The following PLXNA2 variants were observed in gnomAD, a reference collection of about 807,000 sequenced individuals.
PLXNA2 encodes plexin-A2.
In PLXNA2, 91 loss-of-function variants were observed where a neutral mutation model predicts 193.5. The observed-to-expected ratio is 0.47, with a 90% confidence interval of 0.40 to 0.56. The LOEUF (loss-of-function observed/expected upper bound fraction) is 0.56, where lower values mean the gene tolerates loss of function less well. Among genes scored for constraint, PLXNA2 ranks in the 20% least tolerant of loss-of-function variants. The probability of loss-of-function intolerance (pLI) is 0.00; values close to 1 mark genes in which losing one functional copy is unlikely to be tolerated. For synonymous variants in PLXNA2, 997 were observed against 1,027.3 expected (o/e 0.97, Z 0.56); for missense variants, 1,995 against 2,503.2 (o/e 0.80, Z 4.33).
At chr1:208,090,180 C>T (rs750810554) in intron 9 of PLXNA2, among the ~76,000 whole-genome samples, 15 of 152,096 alleles carry the variant, frequency 9.9e-5, no homozygotes, top group Non-Finnish European at 1.5e-4. Context: ...CACAGTCCTC[C>T]GGACAGCCAA....
chr1:208,023,054 G>A lies in PLXNA2; in HGVS notation c.*4189C>T, dbSNP rs1374134634. On this transcript the variant is annotated 3_prime_UTR_variant, in exon 32 of 32. Transcript: ENST00000367033. Reference sequence around the variant, plus strand: ...AACTAGGGAAGAGAGACTGAGTTATGGAAAGGATGCTACCATTTTTCTCAA... The same window carrying A: ...AACTAGGGAAGAGAGACTGAGTTATAGAAAGGATGCTACCATTTTTCTCAA... 2.0e-5 allele frequency: 3 copies of A among 152,176 alleles called. No homozygotes were observed. The highest frequency in any genetic ancestry group is 7.2e-5 in the African/African-American group (3 of 41,440). 9.4% of individuals were successfully genotyped at this position (152,176 alleles called of 1,614,324 possible).
chr1:208,040,325 G>C (rs1664825096), intron 22 of PLXNA2: 2 of 487,402 alleles, frequency 4.1e-6, no homozygotes, highest in Non-Finnish European at 7.3e-6. Context: ...TCTGAACTTT[G>C]GCTGCATCTG....
chr1:208,101,022 C>T (rs1331959334), intron 5 of PLXNA2, among the ~76,000 whole-genome samples: 1 of 152,222 alleles, frequency 6.6e-6, no homozygotes, highest in East Asian at 1.9e-4. Flanking sequence ...CATAATGGAT[C>T]TAAATATGAA....
Position 208,044,759 on chromosome 1 carries a change from T to C in PLXNA2, c.3640-17A>G, listed in dbSNP as rs768318466. 1.3e-6 allele frequency: 2 copies of C among 1,585,930 alleles called. No homozygotes were observed. The highest frequency in any genetic ancestry group is 8.6e-7 in the Non-Finnish European group (1 of 1,156,862). ...CACGTGAACCTGTGCATTGTACACA[T>C]ACAGACGCACATGGATGCACACAGG... On this transcript the variant is annotated splice_polypyrimidine_tract_variant and intron_variant, in intron 19 of 31. Transcript: ENST00000367033. This position sits in a 1 kb window ranked among gnomAD's most constrained non-coding sequence, Gnocchi z 4.9.
At chr1:208,179,819 A>T (rs1002282932) in intron 3 of PLXNA2, among the ~76,000 whole-genome samples, 1 of 152,206 alleles carries the variant, frequency 6.6e-6, no homozygotes, top group Non-Finnish European at 1.5e-5. Context: ...TCAGAATCTC[A>T]AGGAGAGAAA....
chr1:208,114,418 G>T (rs1296517060), intron 4 of PLXNA2, among the ~76,000 whole-genome samples: 1 of 152,190 alleles, frequency 6.6e-6, no homozygotes, highest in Non-Finnish European at 1.5e-5. Flanking sequence ...AAGCCTGACT[G>T]CCCAAGGCCT....
chr1:208,163,285 A>G (rs1301197904), intron 3 of PLXNA2, among the ~76,000 whole-genome samples: 1 of 152,218 alleles, frequency 6.6e-6, no homozygotes, highest in Non-Finnish European at 1.5e-5. Context: ...GCGGAGAGCC[A>G]TTAAATGATA....
At chr1:208,113,566 T>TTTG (rs1667554413) in intron 4 of PLXNA2, among the ~76,000 whole-genome samples, 1 of 149,508 alleles carries the variant, frequency 6.7e-6, no homozygotes, top group African/African-American at 2.5e-5. Context: ...TTTTTTTTTT[T>TTTG]TGAGATGCGG....
rs1458636443 is a variant in PLXNA2 at position 208,025,265 on chromosome 1, G to C, written c.*1978C>G. On this transcript the variant is annotated 3_prime_UTR_variant, in exon 32 of 32. Transcript: ENST00000367033. ...GATCCAAAGCTACACGCCAAGGATG[G>C]AAGCCAGACCTCTGCGCTCCCCTCC... is the stretch of plus-strand genomic sequence containing the variant. 6.6e-6 allele frequency: 1 copy of C among 152,512 alleles called. No homozygotes were observed. The highest frequency in any genetic ancestry group is 1.5e-5 in the Non-Finnish European group (1 of 68,094). The allele number at this position is 152,512 out of a possible 1,614,324, so 9.4% of individuals were successfully genotyped here. A position where few individuals can be genotyped will look rare whatever the true frequency, so the allele number is the denominator to read the frequency against.
intron 3 of PLXNA2, among the ~76,000 whole-genome samples, chr1:208,176,132 GA>G (rs1181338956): frequency 6.6e-6 from 1 of 152,162 alleles, no homozygotes; most frequent in African/African-American, 2.4e-5. Flanking sequence ...CTTCACAGAT[GA>G]AAAAATAAAG....
At position 208,028,083 on chromosome 1, in the gene PLXNA2, G is replaced by A; in HGVS notation, c.5515C>T (p.Leu1839=). The A allele has an allele frequency of 1.2e-6, 2 of 1,613,710 alleles. No individual in the cohort carries two copies. The highest frequency in any genetic ancestry group is 1.7e-6 in the Non-Finnish European group (2 of 1,179,830). ...MNAYLAEQSR[L]HAVEFNMLSA... is the part of the protein sequence containing the mutation. Reference sequence around the variant, plus strand: ...AGCATGTTGAACTCCACGGCGTGCAGGCGGGACTGCTCGGCGAGGTAGGCA... The same window carrying A: ...AGCATGTTGAACTCCACGGCGTGCAAGCGGGACTGCTCGGCGAGGTAGGCA... Residue 1839 remains leucine (L), a synonymous_variant, in exon 31 of 32, where the codon CTG becomes TTG. Transcript: ENST00000367033. This position sits in a 1 kb window ranked among gnomAD's most constrained non-coding sequence, Gnocchi z 4.2.
chr1:208,033,892 G>T lies in PLXNA2; in HGVS notation c.4865-383C>A, dbSNP rs543547413. ...CTGCAAGTTGTAATTCTCCTCTTGG[G>T]AGTTAAGGGTCTCTTCTTGCATGGG... On this transcript the variant is annotated intron_variant, in intron 27 of 31. Coordinates refer to ENST00000367033, the MANE Select transcript of PLXNA2 (RefSeq NM_025179.4). Among the ~76,000 whole-genome samples the T allele has an allele frequency of 5.9e-5, 9 of 152,284 alleles. 1 individual carries two copies. The highest frequency in any genetic ancestry group is 2.2e-4 in the African/African-American group (9 of 41,548).
chr1:208,144,962 G>C (rs971374981), intron 3 of PLXNA2, among the ~76,000 whole-genome samples: 16 of 152,114 alleles, frequency 1.1e-4, no homozygotes, highest in Non-Finnish European at 2.2e-4. Flanking sequence ...GCAGAAGGAA[G>C]AATAAGAGTC....
chr1:208,203,537 GT>G (rs1466010852), intron 3 of PLXNA2, among the ~76,000 whole-genome samples: 1 of 152,196 alleles, frequency 6.6e-6, no homozygotes, highest in East Asian at 1.9e-4. Context: ...AGTGGCTATT[GT>G]TTGGTGGGGC....
At chr1:208,234,306 T>C (rs1558258998) in intron 1 of PLXNA2, among the ~76,000 whole-genome samples, 1 of 152,202 alleles carries the variant, frequency 6.6e-6, no homozygotes, top group Non-Finnish European at 1.5e-5. Flanking sequence ...CCAAGTATTC[T>C]ACACCAAACA....
At position 208,155,396 on chromosome 1, in the gene PLXNA2, T is replaced by TAA. The variant is rs1450759544; in HGVS notation, c.1372-12934_1372-12933insTT. Among the ~76,000 whole-genome samples, 3 of 152,296 alleles carry TAA rather than the reference T, an allele frequency of 2.0e-5. No homozygotes were observed. In the East Asian group the frequency reaches 5.8e-4, roughly 29 times the overall value. ...AACCTACCCACTGCTAATATGCTCC[T>TAA]TAAAAAGTGCTGAAAGGAGCTATAG... is the stretch of plus-strand genomic sequence containing the variant. On this transcript the variant is annotated intron_variant, in intron 3 of 31. Transcript: ENST00000367033.
intron 22 of PLXNA2, chr1:208,040,370 C>CCACAGT: frequency 2.8e-6 from 1 of 362,594 alleles, no homozygotes. Context: ...CCTCACTATC[C>CCACAGT]CACAGGGCTA....
At chr1:208,181,207 C>A (rs1413672067) in intron 3 of PLXNA2, among the ~76,000 whole-genome samples, 1 of 152,200 alleles carries the variant, frequency 6.6e-6, no homozygotes, top group East Asian at 1.9e-4. Flanking sequence ...CTACCACTTC[C>A]CGACCCAGGT....
intron 3 of PLXNA2, among the ~76,000 whole-genome samples, chr1:208,203,975 C>A (rs185365220): frequency 6.6e-6 from 1 of 152,294 alleles, no homozygotes; most frequent in East Asian, 1.9e-4. Flanking sequence ...TCACAGTTTT[C>A]CTGGCTTTGC....
Sources: gnomAD v4.1 joint callset for allele counts (sites outside exome capture counted in the v4.1 genomes callset) on GRCh38, gnomAD v4.1.1 for gene constraint, Gnocchi (gnomAD v3.1) non-coding constraint, MANE v1.5 for transcripts, NCBI Gene and HGNC (gene_info 2026-07-23, HGNC 2026-07-21) for gene names.